NDST3: variants seen among roughly 807,000 people sequenced by gnomAD.
NDST3 encodes bifunctional heparan sulfate N-deacetylase/N-sulfotransferase 3.
Under a neutral mutation model 96.1 loss-of-function variants are expected in NDST3, and 58 were observed. The observed-to-expected ratio is 0.60, with a 90% CI of 0.49 to 0.75. NDST3 has a LOEUF of 0.75. NDST3 is among the 30% of genes least tolerant of loss of function. The pLI is 0.00. For synonymous variants in NDST3, 333 were observed against 359.7 expected (o/e 0.93, Z 0.84); for missense variants, 788 against 1,034.2 (o/e 0.76, Z 3.27).
chr4:118,104,026 G>T lies in NDST3; in HGVS notation c.982-992G>T, dbSNP rs368242528. On this transcript the variant is annotated intron_variant, in intron 2 of 13. Coordinates refer to ENST00000296499, the MANE Select transcript of NDST3 (RefSeq NM_004784.3). ...CTCTATCTGCTTATGATCCAAAAAA[G>T]TTGGGACCATAAACATGATGAGGCA... 4.6e-5 allele frequency among the ~76,000 whole-genome samples: 7 copies of T among 152,232 alleles called. No individual in the cohort carries two copies. The East Asian group carries it at 7.7e-4, about 17-fold the overall frequency.
At chr4:118,076,161 G>C (rs1323922970) in intron 2 of NDST3, among the ~76,000 whole-genome samples, 2 of 152,146 alleles carry the variant, frequency 1.3e-5, no homozygotes, top group African/African-American at 4.8e-5. Context: ...CTTCTGAAAG[G>C]TCTGCTGTTA....
At chr4:118,060,125 T>G (rs1056586104) in intron 2 of NDST3, among the ~76,000 whole-genome samples, 2 of 152,064 alleles carry the variant, frequency 1.3e-5, no homozygotes, top group African/African-American at 4.8e-5. Flanking sequence ...TATTCTTTTT[T>G]GGGGGGTGAG....
At chr4:118,171,742 G>A (rs967016143) in intron 6 of NDST3, among the ~76,000 whole-genome samples, 5 of 152,182 alleles carry the variant, frequency 3.3e-5, no homozygotes, top group African/African-American at 1.2e-4. Flanking sequence ...TTTCCAGGGA[G>A]GTATTATAAC....
intron 1 of NDST3, among the ~76,000 whole-genome samples, chr4:118,048,533 A>C (rs1353239067): frequency 6.6e-6 from 1 of 152,200 alleles, no homozygotes; most frequent in Non-Finnish European, 1.5e-5. Context: ...ATGGAGAAAG[A>C]TCTACCATAC....
intron 2 of NDST3, among the ~76,000 whole-genome samples, chr4:118,095,048 T>C (rs181369872): frequency 1.3e-5 from 2 of 151,912 alleles, no homozygotes; most frequent in African/African-American, 4.8e-5. Context: ...CAATTTTTAT[T>C]TGTCAATTAT....
chr4:118,164,411 T>C lies in NDST3; in HGVS notation c.1539+20727T>C, dbSNP rs530135271. Among the ~76,000 whole-genome samples, 8 of 152,190 alleles carry C rather than the reference T, an allele frequency of 5.3e-5. No homozygotes were observed. In the East Asian group the frequency reaches 7.7e-4, roughly 15 times the overall value. On this transcript the variant is annotated intron_variant, in intron 6 of 13. Transcript: ENST00000296499. ...TGGGTACCAGTCTTGGGTACGTGGG[T>C]GATGAAATAATCTGTACATCTAACC...
chr4:118,076,691 G>T (rs1727565153), intron 2 of NDST3, among the ~76,000 whole-genome samples: 1 of 152,074 alleles, frequency 6.6e-6, no homozygotes, highest in Non-Finnish European at 1.5e-5. Flanking sequence ...TTTGGATCCT[G>T]TATTGTTTTG....
At chr4:118,171,261 G>T (rs1234181997) in intron 6 of NDST3, among the ~76,000 whole-genome samples, 2 of 151,976 alleles carry the variant, frequency 1.3e-5, no homozygotes. Context: ...CCCCAAAAAG[G>T]CCTACAAATT....
At chr4:118,176,532 T>G (rs924469065) in intron 6 of NDST3, among the ~76,000 whole-genome samples, 2 of 152,078 alleles carry the variant, frequency 1.3e-5, no homozygotes, top group Non-Finnish European at 2.9e-5. Flanking sequence ...CCATTGCACG[T>G]GATGAGTTCA....
intron 3 of NDST3, among the ~76,000 whole-genome samples, chr4:118,106,823 G>A (rs1730225966): frequency 2.0e-5 from 3 of 152,102 alleles, no homozygotes; most frequent in Admixed American, 2.0e-4. Flanking sequence ...GGGTGTGGTG[G>A]CTCATGCCTG....
chr4:118,240,380 T>C (rs1035625532), intron 10 of NDST3, 144 bp from the exon 11 acceptor site: 30 of 607,622 alleles, frequency 4.9e-5, no homozygotes, highest in Non-Finnish European at 6.8e-5. Flanking sequence ...GCAAACATTT[T>C]CTTCCTTTAC....
chr4:118,212,764 A>C (rs1423413442), intron 6 of NDST3, among the ~76,000 whole-genome samples: 1 of 152,166 alleles, frequency 6.6e-6, no homozygotes, highest in Non-Finnish European at 1.5e-5. Context: ...TGAGCTCCAA[A>C]GTATAAGTAT....
intron 1 of NDST3, among the ~76,000 whole-genome samples, chr4:118,037,971 C>T (rs1452592268): frequency 6.6e-6 from 1 of 152,152 alleles, no homozygotes; most frequent in Non-Finnish European, 1.5e-5. Context: ...TGCAGATTGG[C>T]TGTCTTTCCT....
At chr4:118,060,645 C>T (rs1158120135) in intron 2 of NDST3, among the ~76,000 whole-genome samples, 1 of 152,072 alleles carries the variant, frequency 6.6e-6, no homozygotes, top group Admixed American at 6.6e-5. Flanking sequence ...CTTTCTCTCT[C>T]TTCCTTTTTA....
rs775605804 is a variant in NDST3, at chr4:118,154,812, C to T, written c.1539+11128C>T. On this transcript the variant is annotated intron_variant, in intron 6 of 13. Coordinates refer to ENST00000296499, the MANE Select transcript of NDST3 (RefSeq NM_004784.3). ...CCCGCTACAACACACTGTTTCTGCA[C>T]GCCTGGCTAAATTGGTCTTGACGTG... 9.2e-5 allele frequency among the ~76,000 whole-genome samples: 14 copies of T among 152,268 alleles called. No homozygotes were observed. The Middle Eastern group carries it at 0.01, about 112-fold the overall frequency.
chr4:118,127,832 A>G (rs1732243530), intron 4 of NDST3, among the ~76,000 whole-genome samples: 1 of 151,982 alleles, frequency 6.6e-6, no homozygotes, highest in African/African-American at 2.4e-5. Context: ...AACATAGAAT[A>G]TCTTTTTATT....
At chr4:118,153,244 T>A (rs927389002) in intron 6 of NDST3, among the ~76,000 whole-genome samples, 1 of 152,210 alleles carries the variant, frequency 6.6e-6, no homozygotes, top group Non-Finnish European at 1.5e-5. Context: ...GCTAATTTTA[T>A]CATTTTATTA....
At chr4:118,191,491 C>T (rs190990550) in intron 6 of NDST3, among the ~76,000 whole-genome samples, 1 of 152,162 alleles carries the variant, frequency 6.6e-6, no homozygotes, top group African/African-American at 2.4e-5. Context: ...GGATGGAGTC[C>T]ATTAAGGAAT....
Position 118,053,787 on chromosome 4 carries a change from T to C in NDST3, c.-124T>C. On this transcript the variant is annotated 5_prime_UTR_variant, in exon 2 of 14. Coordinates refer to ENST00000296499, the MANE Select transcript of NDST3 (RefSeq NM_004784.3). The stretch of plus-strand genomic sequence containing the variant: ...TTTTCTGTGAGTCCTGATCAAGTGA[T>C]ACAAATGAGCTGCAATGGTGACATA... 1 of 1,018,866 alleles carries C rather than the reference T, an allele frequency of 9.8e-7. No homozygotes were observed. Among genetic ancestry groups the C allele is most frequent in the Non-Finnish European group, 1.4e-6 (1 of 703,980 alleles). 63.1% of individuals were successfully genotyped at this position (1,018,866 alleles called of 1,614,324 possible).
Sources: allele counts gnomAD v4.1 joint callset (sites outside exome capture counted in the v4.1 genomes callset), GRCh38; gene constraint gnomAD v4.1.1; transcripts MANE v1.5; gene names NCBI Gene and HGNC (gene_info 2026-07-23, HGNC 2026-07-21).